PGM5: variants seen among roughly 807,000 people sequenced by gnomAD.
PGM5 encodes the protein phosphoglucomutase-like protein 5.
A neutral mutation model predicts 59.2 loss-of-function variants in PGM5; 23 were observed. The observed-to-expected ratio is 0.39, with a 90% CI of 0.28 to 0.55. The LOEUF (loss-of-function observed/expected upper bound fraction) is 0.55, where lower values mean the gene tolerates loss of function less well. Ranked by LOEUF, PGM5 falls within the 20% of genes least tolerant of loss-of-function variation. PGM5 has a pLI of 0.66. For missense variants in PGM5, 574 were observed against 748.3 expected (o/e 0.77, Z 2.72); for synonymous variants, 214 against 286.0 (o/e 0.75, Z 2.54).
intron 10 of PGM5, among the ~76,000 whole-genome samples, chr9:68,512,723 C>G (rs1373862961): frequency 6.6e-6 from 1 of 152,146 alleles, no homozygotes; most frequent in African/African-American, 2.4e-5. Flanking sequence ...AAAATAATGT[C>G]ACATTCTGAG....
At chr9:68,524,974 A>G (rs1040391113) in intron 10 of PGM5, among the ~76,000 whole-genome samples, 10 of 152,164 alleles carry the variant, frequency 6.6e-5, no homozygotes, top group Admixed American at 5.2e-4. Context: ...CTGCTTTTGA[A>G]ATTCTGTGCT....
rs1395397514 is a variant in PGM5 at position 68,527,453 on chromosome 9, A to C, written c.1615-2114A>C. Among the ~76,000 whole-genome samples the C allele has an allele frequency of 2.6e-5, 4 of 152,214 alleles. No individual in the cohort carries two copies. In the East Asian group the frequency reaches 5.8e-4, roughly 22 times the overall value. On this transcript the variant is annotated intron_variant, in intron 10 of 10. Transcript: ENST00000396396. The stretch of plus-strand genomic sequence containing the variant: ...ACATAACCAAAAAGGGGGAGCAGGA[A>C]AGAGGGAAGAGAAGACAGGAAGAGG...
chr9:68,461,524 A>G (rs1363782726), intron 6 of PGM5, among the ~76,000 whole-genome samples: 1 of 152,192 alleles, frequency 6.6e-6, no homozygotes, highest in Non-Finnish European at 1.5e-5. Flanking sequence ...GGTGTTGCCA[A>G]TGTGATAGTA....
intron 7 of PGM5, among the ~76,000 whole-genome samples, chr9:68,470,550 C>T (rs949253122): frequency 6.6e-6 from 1 of 152,234 alleles, no homozygotes; most frequent in East Asian, 1.9e-4. Flanking sequence ...ATTACATTTA[C>T]TATTTTATAT....
At chr9:68,490,586 C>T (rs973228199) in intron 9 of PGM5, among the ~76,000 whole-genome samples, 1 of 152,212 alleles carries the variant, frequency 6.6e-6, no homozygotes, top group African/African-American at 2.4e-5. Flanking sequence ...AACTCCTGAC[C>T]TCAGGTGATC....
chr9:68,382,026 A>G (rs1192631050), intron 2 of PGM5, among the ~76,000 whole-genome samples: 2 of 151,908 alleles, frequency 1.3e-5, no homozygotes, highest in African/African-American at 2.4e-5. Context: ...GGAAATAGAA[A>G]AGCAATACTA....
chr9:68,472,598 C>A (rs1554686338), intron 7 of PGM5, among the ~76,000 whole-genome samples: 1 of 152,106 alleles, frequency 6.6e-6, no homozygotes, highest in Non-Finnish European at 1.5e-5. Flanking sequence ...AACTAGCTAC[C>A]CTTAGTGAGG....
chr9:68,450,253 A>G (rs1308421353), intron 6 of PGM5, among the ~76,000 whole-genome samples: 1 of 150,226 alleles, frequency 6.7e-6, no homozygotes, highest in Non-Finnish European at 1.5e-5. Flanking sequence ...AATAAAAAAT[A>G]AAAACAAAAA....
chr9:68,408,024 A>T (rs1554681297), intron 6 of PGM5, among the ~76,000 whole-genome samples: 2 of 152,178 alleles, frequency 1.3e-5, no homozygotes, highest in Non-Finnish European at 2.9e-5. Context: ...CATCACCTGG[A>T]GTCCCTTTAT....
At chr9:68,387,839 T>C (rs1279745729) in intron 4 of PGM5, among the ~76,000 whole-genome samples, 1 of 151,974 alleles carries the variant, frequency 6.6e-6, no homozygotes, top group African/African-American at 2.4e-5. Flanking sequence ...AAACTGTTAT[T>C]TATTTGATCA....
chr9:68,441,676 C>G (rs548002988), intron 6 of PGM5, among the ~76,000 whole-genome samples: 1 of 152,068 alleles, frequency 6.6e-6, no homozygotes, highest in South Asian at 2.1e-4. Context: ...ACACCTTTCC[C>G]CTAAGATCAG....
chr9:68,529,665 A>C lies in PGM5; in HGVS notation c.*9A>C. 1 of 1,557,232 alleles carries C rather than the reference A, an allele frequency of 6.4e-7. No individual in the cohort carries two copies. The highest frequency in any genetic ancestry group is 8.8e-7 in the Non-Finnish European group (1 of 1,139,222). ...CCACTGTCATCACCTGAATAGAGGA[A>C]AGATCACTCACCAGGGCCAAAGAGA... On this transcript the variant is annotated 3_prime_UTR_variant, in exon 11 of 11. Transcript: ENST00000396396.
chr9:68,487,268 AT>A (rs1554687588), intron 9 of PGM5, among the ~76,000 whole-genome samples: 1 of 152,132 alleles, frequency 6.6e-6, no homozygotes, highest in East Asian at 1.9e-4. Flanking sequence ...GCTAGTGATA[AT>A]TATCACACAT....
intron 6 of PGM5, among the ~76,000 whole-genome samples, chr9:68,434,741 G>A (rs897528735): frequency 1.1e-4 from 17 of 151,340 alleles, no homozygotes; most frequent in East Asian, 1.9e-4. Flanking sequence ...GGGAGTCGGA[G>A]ATCGCACCAC....
chr9:68,370,218 A>C (rs1368783143), intron 1 of PGM5, among the ~76,000 whole-genome samples: 5 of 152,210 alleles, frequency 3.3e-5, no homozygotes, highest in Admixed American at 6.5e-5. Context: ...GGGGAGTGAT[A>C]GGGATTATAA....
At chr9:68,485,179 C>A (rs1824274830) in intron 9 of PGM5, among the ~76,000 whole-genome samples, 1 of 152,270 alleles carries the variant, frequency 6.6e-6, no homozygotes, top group East Asian at 1.9e-4. Flanking sequence ...GCTTGGATAC[C>A]TTTTCCTTAG....
chr9:68,439,117 C>T (rs782456009), intron 6 of PGM5, among the ~76,000 whole-genome samples: 1 of 152,010 alleles, frequency 6.6e-6, no homozygotes, highest in Non-Finnish European at 1.5e-5. Context: ...AGTCCCAACA[C>T]TTTGGGAGGC....
chr9:68,452,543 A>G (rs545121126), intron 6 of PGM5, among the ~76,000 whole-genome samples: 8 of 152,322 alleles, frequency 5.3e-5, no homozygotes, highest in Admixed American at 3.9e-4. Flanking sequence ...GATCGGTCTC[A>G]GTGCAGGTAG....
intron 6 of PGM5, among the ~76,000 whole-genome samples, chr9:68,425,272 AGCATC>A (rs1554682620): frequency 6.6e-6 from 1 of 152,186 alleles, no homozygotes; most frequent in African/African-American, 2.4e-5. Flanking sequence ...ACATGGCAGA[AGCATC>A]CAAGCTGCTG....
Sources: gnomAD v4.1 joint callset for allele counts (sites outside exome capture counted in the v4.1 genomes callset) on GRCh38, gnomAD v4.1.1 for gene constraint, MANE v1.5 for transcripts, NCBI Gene and HGNC (gene_info 2026-07-23, HGNC 2026-07-21) for gene names.